The following PSMA6 variants were observed in gnomAD, a reference collection of about 807,000 sequenced individuals.
PSMA6 encodes proteasome subunit alpha type-6.
For missense variants in PSMA6, 170 were observed against 294.8 expected (o/e 0.58, Z 3.10); for synonymous variants, 88 against 97.7 (o/e 0.90, Z 0.59).
chr14:35,295,513 C>T (rs914630043), intron 1 of PSMA6, among the ~76,000 whole-genome samples: 3 of 150,636 alleles, frequency 2.0e-5, no homozygotes, highest in Admixed American at 6.6e-5. Flanking sequence ...GTGCAATGGC[C>T]GTGATCTCAG....
intron 1 of PSMA6, 162 bp downstream of exon 1, chr14:35,292,714 C>T (rs1040728006): frequency 3.1e-6 from 4 of 1,308,098 alleles, no homozygotes; most frequent in Admixed American, 2.8e-5. Flanking sequence ...TGTTTGCACC[C>T]CCGTCTGGAC....
In PSMA6 at chr14:35,292,412, C is replaced by T. The variant is rs886766702; in HGVS notation, c.-65C>T. On this transcript the variant is annotated 5_prime_UTR_variant, in exon 1 of 7. Transcript: ENST00000261479. ...CAGTCGCTGCAACTTCCGGGAGGTG[C>T]TTGTGTGCCTGGTGCGGGAGCTACG... The T allele has an allele frequency of 2.5e-6, 4 of 1,570,244 alleles. No homozygotes were observed. The highest frequency in any genetic ancestry group is 2.6e-6 in the Non-Finnish European group (3 of 1,159,380).
chr14:35,288,358 C>T (rs151049615), upstream of PSMA6, among the ~76,000 whole-genome samples: 253 of 152,250 alleles, frequency 1.7e-3, 8 homozygotes, highest in East Asian at 0.041. Context: ...ATTAGCCAGG[C>T]GTGGTAGTGC....
At chr14:35,310,270 C>T (rs1244119000) in intron 3 of PSMA6, 1 of 425,538 alleles carries the variant, frequency 2.3e-6, no homozygotes, top group Non-Finnish European at 4.6e-6. Context: ...AATTCTCGTG[C>T]CTCAACCTCC....
intron 1 of PSMA6, among the ~76,000 whole-genome samples, chr14:35,286,557 A>T (rs2051424010): frequency 6.6e-6 from 1 of 152,128 alleles, no homozygotes; most frequent in Non-Finnish European, 1.5e-5. Context: ...CCGTAAGAGG[A>T]TAATACTGAA....
chr14:35,315,881 A>G (rs2052035573), intron 6 of PSMA6: 2 of 152,122 alleles, frequency 1.3e-5, no homozygotes, highest in South Asian at 4.1e-4. Context: ...ACTTTGTATC[A>G]TTTATAAATT....
At chr14:35,314,566 T>G in intron 6 of PSMA6, 111 bp downstream of exon 6, 2 of 1,300,796 alleles carry the variant, frequency 1.5e-6, no homozygotes, top group Non-Finnish European at 1.0e-6. Flanking sequence ...TTATAGTTTT[T>G]GTTTGTGTGT....
At chr14:35,291,657 C>G (rs2051482534), upstream of PSMA6, among the ~76,000 whole-genome samples, 1 of 151,948 alleles carries the variant, frequency 6.6e-6, no homozygotes, top group East Asian at 1.9e-4. Context: ...AACCCCGCCT[C>G]TACTAAAAAT....
chr14:35,292,652 C>T (rs931166539), intron 1 of PSMA6, 100 bp downstream of exon 1: 2 of 1,542,190 alleles, frequency 1.3e-6, no homozygotes, highest in Non-Finnish European at 1.7e-6. Context: ...GGGGCCGAAG[C>T]TGGGCTGGAG....
intron 1 of PSMA6, among the ~76,000 whole-genome samples, chr14:35,286,507 C>A (rs561109093): frequency 6.6e-6 from 1 of 152,194 alleles, no homozygotes; most frequent in Non-Finnish European, 1.5e-5. Flanking sequence ...ATCGGGTTTT[C>A]ATTTAAGACA....
intron 1 of PSMA6, among the ~76,000 whole-genome samples, chr14:35,302,296 C>G (rs1451700365): frequency 6.6e-6 from 1 of 152,178 alleles, no homozygotes; most frequent in African/African-American, 2.4e-5. Context: ...CTTCTGGGCT[C>G]AAGCGATCCT....
chr14:35,305,895 C>T (rs983830126), intron 1 of PSMA6, among the ~76,000 whole-genome samples: 4 of 151,804 alleles, frequency 2.6e-5, no homozygotes, highest in Admixed American at 6.6e-5. Flanking sequence ...CCAGCCTGGG[C>T]GACATAGCAA....
At chr14:35,308,875 GT>G in intron 2 of PSMA6, 38 bp from the exon 3 acceptor site, 1 of 1,472,174 alleles carries the variant, frequency 6.8e-7, no homozygotes, top group Non-Finnish European at 9.4e-7. Context: ...AAACCTGTAT[GT>G]TTTTTAAAAA....
chr14:35,283,458 A>G (rs994162713), intron 1 of PSMA6, among the ~76,000 whole-genome samples: 2 of 151,748 alleles, frequency 1.3e-5, no homozygotes, highest in Non-Finnish European at 2.9e-5. Context: ...GTCAATAGGT[A>G]TCTCTGGATG....
At chr14:35,291,309 T>A (rs139974454), upstream of PSMA6, among the ~76,000 whole-genome samples, 7 of 151,430 alleles carry the variant, frequency 4.6e-5, no homozygotes, top group Admixed American at 3.3e-4. Flanking sequence ...GCTCCGCCTC[T>A]CCGGTTCACG....
At chr14:35,310,514 G>A (rs754735003) in intron 3 of PSMA6, among the ~76,000 whole-genome samples, 24 of 152,204 alleles carry the variant, frequency 1.6e-4, no homozygotes, top group Non-Finnish European at 2.6e-4. Context: ...GAAAGGCTCA[G>A]TATAAAAGGG....
chr14:35,292,649 AAGCTGGGCTGG>A, intron 1 of PSMA6, 97 bp downstream of exon 1: 2 of 1,545,110 alleles, frequency 1.3e-6, no homozygotes, highest in Non-Finnish European at 1.7e-6. Flanking sequence ...TCTGGGGCCG[AAGCTGGGCTGG>A]AGCTGGGAAG....
chr14:35,288,771 A>G (rs528535881), upstream of PSMA6, among the ~76,000 whole-genome samples: 1 of 152,268 alleles, frequency 6.6e-6, no homozygotes, highest in South Asian at 2.1e-4. Context: ...GTGTGATTTG[A>G]AATATCCCAT....
At chr14:35,298,260 C>T (rs1043584055) in intron 1 of PSMA6, among the ~76,000 whole-genome samples, 1 of 152,030 alleles carries the variant, frequency 6.6e-6, no homozygotes, top group Non-Finnish European at 1.5e-5. Context: ...GAGGCCGAGG[C>T]AGGTGGATAA....
Sources: gnomAD v4.1 joint callset for allele counts (sites outside exome capture counted in the v4.1 genomes callset) on GRCh38, gnomAD v4.1.1 for gene constraint, MANE v1.5 for transcripts, NCBI Gene and HGNC (gene_info 2026-07-23, HGNC 2026-07-21) for gene names.